Variants in UBE2R2 observed in about 807,000 individuals in gnomAD.
UBE2R2 encodes the protein ubiquitin conjugating enzyme E2 R2.
A neutral mutation model predicts 27.8 loss-of-function variants in UBE2R2; 1 was observed. The observed-to-expected ratio is 0.04, with a 90% CI of 0.01 to 0.17. The LOEUF is 0.17. UBE2R2 is among the 10% of genes least tolerant of loss of function. The probability of loss-of-function intolerance (pLI) is 1.00; values close to 1 mark genes in which losing one functional copy is unlikely to be tolerated. For missense variants in UBE2R2, 100 were observed against 291.0 expected, an observed-to-expected ratio of 0.34 and a Z score of 4.78; for synonymous variants, 106 against 113.3, an observed-to-expected ratio of 0.94 and a Z score of 0.41.
intron 1 of UBE2R2, among the ~76,000 whole-genome samples, chr9:33,873,242 G>A (rs1160681345): frequency 6.8e-6 from 1 of 148,064 alleles, no homozygotes; most frequent in Non-Finnish European, 1.5e-5. Flanking sequence ...AAATGGACCT[G>A]TAGGTAAATG....
chr9:33,859,783 TGTGTGTGTGTGTGTGTGAGA>T (rs1296480643), intron 1 of UBE2R2, among the ~76,000 whole-genome samples: 5 of 123,920 alleles, frequency 4.0e-5, no homozygotes, highest in Non-Finnish European at 5.1e-5. Context: ...TGTGTGTGTG[TGTGTGTGTGTGTGTGTGAGA>T]GAGAGAGAGA....
At chr9:33,861,591 C>CAA (rs896043524) in intron 1 of UBE2R2, among the ~76,000 whole-genome samples, 1 of 143,334 alleles carries the variant, frequency 7.0e-6, no homozygotes, top group African/African-American at 2.6e-5. Context: ...GACCCTGTCT[C>CAA]AAAAAAAAAA....
intron 1 of UBE2R2, among the ~76,000 whole-genome samples, chr9:33,841,831 C>T (rs916857503): frequency 5.9e-5 from 9 of 152,064 alleles, no homozygotes; most frequent in South Asian, 2.1e-4. Flanking sequence ...ACAGTAGTCT[C>T]AGAATAGCAA....
chr9:33,823,284 C>T (rs955274145), intron 1 of UBE2R2, among the ~76,000 whole-genome samples: 7 of 151,684 alleles, frequency 4.6e-5, no homozygotes, highest in African/African-American at 9.7e-5. Flanking sequence ...GTAATCCTCC[C>T]GCCTCAGCCT....
intron 1 of UBE2R2, among the ~76,000 whole-genome samples, chr9:33,836,571 C>A (rs920846681): frequency 6.6e-6 from 1 of 152,004 alleles, no homozygotes; most frequent in Non-Finnish European, 1.5e-5. Context: ...TCCTGGCCAA[C>A]ATGGCAAAGC....
upstream of UBE2R2, among the ~76,000 whole-genome samples, chr9:33,816,734 G>A (rs938035907): frequency 2.0e-5 from 3 of 152,342 alleles, no homozygotes; most frequent in South Asian, 6.2e-4. Context: ...ACGGGGAGGG[G>A]CCTGCAGCGA....
intron 1 of UBE2R2, among the ~76,000 whole-genome samples, chr9:33,866,042 G>T (rs1041898959): frequency 6.6e-6 from 1 of 151,740 alleles, no homozygotes; most frequent in Non-Finnish European, 1.5e-5. Flanking sequence ...ATGTTGGCCA[G>T]GCTAGTCTCG....
intron 1 of UBE2R2, among the ~76,000 whole-genome samples, chr9:33,839,197 G>A (rs182710466): frequency 2.6e-5 from 4 of 152,208 alleles, no homozygotes; most frequent in East Asian, 1.9e-4. Flanking sequence ...AGGTGATTAC[G>A]TCGTGAGGGC....
chr9:33,834,383 T>C (rs1587431619), intron 1 of UBE2R2, among the ~76,000 whole-genome samples: 2 of 151,678 alleles, frequency 1.3e-5, no homozygotes, highest in Non-Finnish European at 2.9e-5. Context: ...AGCTGATTTT[T>C]TGTATTTTTA....
chr9:33,866,971 C>A (rs1054874723), intron 1 of UBE2R2, among the ~76,000 whole-genome samples: 1 of 152,094 alleles, frequency 6.6e-6, no homozygotes, highest in African/African-American at 2.4e-5. Context: ...TTAATAAAAT[C>A]AGAATTATCA....
chr9:33,867,637 C>G (rs10120271), intron 1 of UBE2R2, among the ~76,000 whole-genome samples: 1 of 152,006 alleles, frequency 6.6e-6, no homozygotes, highest in Non-Finnish European at 1.5e-5. Context: ...TGTTGAACAC[C>G]ATATTAACTG....
intron 1 of UBE2R2, 151 bp downstream of exon 1, chr9:33,818,085 G>C: frequency 1.1e-6 from 1 of 936,196 alleles, no homozygotes; most frequent in South Asian, 1.9e-5. Flanking sequence ...CCTGGAGGCA[G>C]GAAGGCCTTG....
chr9:33,902,699 G>A (rs149633249), intron 3 of UBE2R2, among the ~76,000 whole-genome samples: 293 of 152,328 alleles, frequency 1.9e-3, no homozygotes, highest in African/African-American at 6.2e-3. Flanking sequence ...GAGATATTCT[G>A]TAATTGAGAA....
intron 2 of UBE2R2, among the ~76,000 whole-genome samples, chr9:33,895,445 A>T (rs954588681): frequency 6.6e-6 from 1 of 152,210 alleles, no homozygotes; most frequent in Non-Finnish European, 1.5e-5. Flanking sequence ...ACTGAACAAC[A>T]TGGTTGTCTT....
At chr9:33,910,682 T>C (rs1220147696) in intron 3 of UBE2R2, among the ~76,000 whole-genome samples, 3 of 152,240 alleles carry the variant, frequency 2.0e-5, no homozygotes, top group African/African-American at 7.2e-5. Context: ...TCAGAGACTC[T>C]AGTTCTTCTG....
At chr9:33,817,137 TCTCCCTCCCTCC>T (rs1173275925), upstream of UBE2R2, among the ~76,000 whole-genome samples, 5 of 147,054 alleles carry the variant, frequency 3.4e-5, no homozygotes, top group African/African-American at 7.6e-5. Flanking sequence ...CTCCTCCCTC[TCTCCCTCCCTCC>T]CTCCCTCCCT....
chr9:33,856,260 G>A (rs1024845138), intron 1 of UBE2R2, among the ~76,000 whole-genome samples: 1 of 152,030 alleles, frequency 6.6e-6, no homozygotes, highest in Admixed American at 6.6e-5. Flanking sequence ...ATTTTCTGAA[G>A]TTTTTTATTT....
intron 1 of UBE2R2, among the ~76,000 whole-genome samples, chr9:33,860,844 C>G (rs915929880): frequency 3.3e-5 from 5 of 152,108 alleles, no homozygotes; most frequent in African/African-American, 4.8e-5. Context: ...CTGCAGTGAA[C>G]TATGATCATG....
intron 1 of UBE2R2, among the ~76,000 whole-genome samples, chr9:33,856,623 A>G (rs1471803856): frequency 2.0e-5 from 3 of 152,130 alleles, no homozygotes; most frequent in African/African-American, 7.2e-5. Context: ...TATTTTAACT[A>G]TATATAAATA....
Sources: allele counts gnomAD v4.1 joint callset (sites outside exome capture counted in the v4.1 genomes callset), GRCh38; gene constraint gnomAD v4.1.1; transcripts MANE v1.5; gene names NCBI Gene and HGNC (gene_info 2026-07-23, HGNC 2026-07-21).